The following ESR1 variants were observed in gnomAD, a reference collection of about 807,000 sequenced individuals.
The protein encoded by ESR1 is estrogen receptor.
Under a neutral mutation model 52.7 loss-of-function variants are expected in ESR1, and 12 were observed. That is an observed-to-expected ratio of 0.23 (90% CI 0.15 to 0.37). ESR1 has a LOEUF of 0.37. ESR1 is among the 10% of genes least tolerant of loss of function. The probability of loss-of-function intolerance (pLI) is 1.00; values close to 1 mark genes in which losing one functional copy is unlikely to be tolerated. For synonymous variants in ESR1, 305 were observed against 316.8 expected (o/e 0.96, Z 0.39); for missense variants, 584 against 779.7 (o/e 0.75, Z 2.99).
At chr6:151,753,398 AC>A (rs749973359) in intron 2 of ESR1, among the ~76,000 whole-genome samples, 27 of 150,564 alleles carry the variant, frequency 1.8e-4, no homozygotes, top group Admixed American at 3.3e-4. Context: ...GCTCACTGCA[AC>A]CTCCACCTCC....
intron 2 of ESR1, among the ~76,000 whole-genome samples, chr6:151,761,172 T>TAA (rs560416730): frequency 0.025 from 3,681 of 146,918 alleles, 135 homozygotes; most frequent in African/African-American, 0.086. Flanking sequence ...GTCAAAGCAT[T>TAA]AAAAAAAAAA....
intron 1 of ESR1, among the ~76,000 whole-genome samples, chr6:151,830,346 G>T (rs1782198634): frequency 6.6e-6 from 1 of 152,086 alleles, no homozygotes; most frequent in African/African-American, 2.4e-5. Flanking sequence ...GCTGGTCTCA[G>T]CTAGATGCTC....
intron 1 of ESR1, among the ~76,000 whole-genome samples, chr6:151,833,318 C>T (rs772721816): frequency 6.6e-6 from 1 of 152,098 alleles, no homozygotes; most frequent in Non-Finnish European, 1.5e-5. Context: ...TCATGGACTT[C>T]AAGAGACCTG....
intron 2 of ESR1, among the ~76,000 whole-genome samples, chr6:151,866,233 G>T (rs1378662111): frequency 2.0e-5 from 3 of 152,038 alleles, no homozygotes; most frequent in Non-Finnish European, 4.4e-5. Flanking sequence ...GATTGTATTT[G>T]TTCTATTAAA....
intron 1 of ESR1, among the ~76,000 whole-genome samples, chr6:151,838,660 TA>T (rs1192762183): frequency 1.3e-5 from 2 of 152,348 alleles, no homozygotes; most frequent in Non-Finnish European, 2.9e-5. Context: ...TGTTTTTTTT[TA>T]AATAACATTT....
intron 3 of ESR1, among the ~76,000 whole-genome samples, chr6:151,919,034 A>T (rs960423483): frequency 6.6e-6 from 1 of 152,190 alleles, no homozygotes; most frequent in African/African-American, 2.4e-5. Flanking sequence ...AGTAGCCAAG[A>T]TATTTTAAAT....
At chr6:151,799,640 G>A (rs1296063170), upstream of ESR1, among the ~76,000 whole-genome samples, 1 of 152,210 alleles carries the variant, frequency 6.6e-6, no homozygotes, top group African/African-American at 2.4e-5. Context: ...CCAACTTGGG[G>A]AAGCAGAGAG....
intron 4 of ESR1, among the ~76,000 whole-genome samples, chr6:151,992,299 C>T (rs1318942443): frequency 2.0e-5 from 3 of 152,104 alleles, no homozygotes; most frequent in Admixed American, 2.0e-4. Flanking sequence ...ACTCTGTATC[C>T]ATTACACAAT....
At chr6:151,804,193 A>C (rs190029824), upstream of ESR1, among the ~76,000 whole-genome samples, 614 of 152,334 alleles carry the variant, frequency 4.0e-3, 25 homozygotes, top group Non-Finnish European at 3.1e-4. Context: ...GCTCACCAAG[A>C]TGAGTTTGGA....
intron 3 of ESR1, among the ~76,000 whole-genome samples, chr6:151,909,951 A>C (rs890352134): frequency 6.6e-6 from 1 of 152,094 alleles, no homozygotes; most frequent in Non-Finnish European, 1.5e-5. Context: ...AAATCTAATC[A>C]TAAGAATCTA....
At chr6:151,723,590 C>T (rs754230624) in intron 2 of ESR1, among the ~76,000 whole-genome samples, 6 of 152,296 alleles carry the variant, frequency 3.9e-5, no homozygotes, top group East Asian at 1.9e-4. Context: ...CGCTTGTGGC[C>T]GGATACAGTG....
rs868310676 is a variant in ESR1, at chr6:151,669,281, G to C, written n.73+12518G>C. ...GGTTTCTGGAAAGGGGGTAGTGTTGGGGGAGTGGGGAGAGGGGTTAAATGT... is the reference window on the plus strand; with the variant it reads ...GGTTTCTGGAAAGGGGGTAGTGTTGCGGGAGTGGGGAGAGGGGTTAAATGT... On this transcript the variant is annotated intron_variant and non_coding_transcript_variant, in intron 1 of 2. Transcript: ENST00000473497. Among the ~76,000 whole-genome samples the C allele has an allele frequency of 3.9e-4, 58 of 149,816 alleles. 1 individual carries two copies. In the Middle Eastern group the frequency reaches 0.014, roughly 35 times the overall value.
At chr6:151,977,951 G>GAA (rs576847510) in intron 4 of ESR1, among the ~76,000 whole-genome samples, 1 of 68,720 alleles carries the variant, frequency 1.5e-5, no homozygotes, top group African/African-American at 6.4e-5. Context: ...GAGACAGCAG[G>GAA]AAAAAAAAAA....
At chr6:151,693,897 C>T (rs903234994) in intron 1 of ESR1, among the ~76,000 whole-genome samples, 3 of 152,182 alleles carry the variant, frequency 2.0e-5, no homozygotes, top group African/African-American at 4.8e-5. Flanking sequence ...GGATTACAGA[C>T]GTCAGCCAGC....
chr6:151,767,179 C>T (rs1467280583), intron 2 of ESR1, among the ~76,000 whole-genome samples: 2 of 152,212 alleles, frequency 1.3e-5, no homozygotes, highest in Admixed American at 6.5e-5. Flanking sequence ...TCTTAACAAT[C>T]ACATCCAATC....
rs2050955134 is a variant in ESR1 at position 152,101,208 on chromosome 6, C to G, written c.*2242C>G. 1 of 231,658 alleles carries G rather than the reference C, an allele frequency of 4.3e-6. No homozygotes were observed. The highest frequency in any genetic ancestry group is 8.5e-6 in the Non-Finnish European group (1 of 117,048). The allele number at this position is 231,658 out of a possible 1,614,324, so 14.4% of individuals were successfully genotyped here. On this transcript the variant is annotated 3_prime_UTR_variant, in exon 8 of 8. Coordinates refer to ENST00000206249, the MANE Select transcript of ESR1 (RefSeq NM_000125.4). ...ATGCCTATTGTTGGATACTGAATGACAGACAATCTTATGTAGCAAAGATTA... is the reference window on the plus strand; with the variant it reads ...ATGCCTATTGTTGGATACTGAATGAGAGACAATCTTATGTAGCAAAGATTA...
chr6:151,941,367 A>G (rs2128514693), intron 3 of ESR1, among the ~76,000 whole-genome samples: 1 of 152,276 alleles, frequency 6.6e-6, no homozygotes, highest in South Asian at 2.1e-4. Flanking sequence ...ACACTGACTA[A>G]TACTGAAGAA....
intron 4 of ESR1, among the ~76,000 whole-genome samples, chr6:151,958,704 C>G (rs1429908750): frequency 1.3e-5 from 2 of 152,168 alleles, no homozygotes; most frequent in African/African-American, 4.8e-5. Context: ...TCATTTACCT[C>G]TAAGAACAGT....
At chr6:151,675,006 T>C (rs1247732455) in intron 1 of ESR1, among the ~76,000 whole-genome samples, 1 of 152,202 alleles carries the variant, frequency 6.6e-6, no homozygotes, top group Non-Finnish European at 1.5e-5. Flanking sequence ...TCCTTGATGG[T>C]TTATGAAAAT....
Sources: allele counts gnomAD v4.1 joint callset (sites outside exome capture counted in the v4.1 genomes callset), GRCh38; gene constraint gnomAD v4.1.1; transcripts MANE v1.5; gene names NCBI Gene and HGNC (gene_info 2026-07-23, HGNC 2026-07-21).